Variants in USP47 observed in about 807,000 individuals in gnomAD.
USP47 encodes the protein ubiquitin carboxyl-terminal hydrolase 47.
Under a neutral mutation model 165.1 loss-of-function variants are expected in USP47, and 35 were observed. The ratio of observed to expected loss-of-function variants is 0.21; its 90% CI spans 0.16 to 0.28. USP47 has a LOEUF of 0.28. Ranked by LOEUF, USP47 falls within the 10% of genes least tolerant of loss-of-function variation. The pLI, the probability that USP47 is intolerant of heterozygous loss-of-function variation, is 1.00. For missense variants in USP47, 1,277 were observed against 1,607.4 expected, an observed-to-expected ratio of 0.79 and a Z score of 3.52; for synonymous variants, 531 against 544.5, an observed-to-expected ratio of 0.98 and a Z score of 0.35.
intron 8 of USP47, among the ~76,000 whole-genome samples, chr11:11,918,158 C>T (rs980574392): frequency 2.0e-5 from 3 of 152,116 alleles, no homozygotes; most frequent in African/African-American, 7.2e-5. Flanking sequence ...TAGAAGGGCA[C>T]ATCTTTGCTA....
intron 1 of USP47, among the ~76,000 whole-genome samples, chr11:11,853,991 CG>C: frequency 6.6e-6 from 1 of 151,628 alleles, no homozygotes; most frequent in East Asian, 1.9e-4. Flanking sequence ...AAAAATTAGC[CG>C]GGTGTGGTGG....
Position 11,905,386 on chromosome 11 carries a change from AT to A in USP47, c.820-9del. ...TTAAGGAACACTTAAAAATGTAAAT[AT>A]TTTATTTTTAGGCTGATCTTATAAA... is the stretch of plus-strand genomic sequence containing the variant. On this transcript the variant is annotated splice_polypyrimidine_tract_variant and intron_variant, in intron 7 of 27. Coordinates refer to ENST00000527733, the MANE Select transcript of USP47 (RefSeq NM_001282659.2). 2 of 1,558,368 alleles carry A rather than the reference AT, an allele frequency of 1.3e-6. No homozygotes were observed. Among genetic ancestry groups the A allele is most frequent in the East Asian group, 2.3e-5 (1 of 43,726 alleles).
chr11:11,902,770 C>T lies in USP47; in HGVS notation c.649C>T (p.Gln217Ter). Residue 217 changes from glutamine (Q) to a stop codon, truncating the protein, a stop_gained, in exon 6 of 28, where the codon CAA (glutamine) becomes TAA (stop). Coordinates refer to ENST00000527733, the MANE Select transcript of USP47 (RefSeq NM_001282659.2). LOFTEE classifies it high-confidence loss of function. The part of the protein sequence containing the change: ...DPVTSIPYQL[Q>*]RLFVLLQTSK... ...AGTGACAAGTATTCCATACCAACTT[C>T]AAAGGCTTTTTGTTTTGTTACAAAC... The T allele has an allele frequency of 6.2e-7, 1 of 1,600,866 alleles. No homozygotes were observed. Among genetic ancestry groups the T allele is most frequent in the Non-Finnish European group, 8.5e-7 (1 of 1,172,894 alleles).
At chr11:11,876,264 T>TTC (rs2134276947) in intron 1 of USP47, among the ~76,000 whole-genome samples, 1 of 8,686 alleles carries the variant, frequency 1.2e-4, no homozygotes, top group Non-Finnish European at 1.7e-4. Context: ...CAGAGAACTC[T>TTC]TGACTAAAAA....
chr11:11,854,808 C>T (rs1217337077), intron 1 of USP47, among the ~76,000 whole-genome samples: 2 of 147,010 alleles, frequency 1.4e-5, no homozygotes, highest in African/African-American at 2.4e-5. Flanking sequence ...AATTGGAACA[C>T]ATAGGCCGGG....
chr11:11,954,477 G>A (rs775467853), intron 25 of USP47, among the ~76,000 whole-genome samples: 14 of 152,038 alleles, frequency 9.2e-5, no homozygotes, highest in Non-Finnish European at 1.2e-4. Context: ...CACCATGTGC[G>A]AGGATATTCA....
intron 1 of USP47, among the ~76,000 whole-genome samples, chr11:11,859,412 A>C (rs1262329411): frequency 6.6e-6 from 1 of 152,172 alleles, no homozygotes. Context: ...ACTTTACCTT[A>C]GTTGCTTAAC....
In USP47 at chr11:11,889,079, C is replaced by G. The variant is rs188259207; in HGVS notation, c.358-2889C>G. On this transcript the variant is annotated intron_variant, in intron 3 of 27. Coordinates refer to ENST00000527733, the MANE Select transcript of USP47 (RefSeq NM_001282659.2). Reference sequence around the variant, plus strand: ...AATAGCAAGAATCATATATGACAGGCCCACAGCCAATATCAACCTGAATGG... The same window carrying G: ...AATAGCAAGAATCATATATGACAGGGCCACAGCCAATATCAACCTGAATGG... Among the ~76,000 whole-genome samples the G allele has an allele frequency of 2.7e-3, 405 of 152,170 alleles. 1 individual carries two copies. The highest frequency in any genetic ancestry group is 9.1e-3 in the African/African-American group (378 of 41,524).
intron 16 of USP47, among the ~76,000 whole-genome samples, chr11:11,934,463 A>T (rs1215960071): frequency 6.6e-6 from 1 of 152,174 alleles, no homozygotes; most frequent in Non-Finnish European, 1.5e-5. Flanking sequence ...AAAGGGAGAC[A>T]GCGATGCAAA....
chr11:11,947,332 A>T (rs554487465), intron 20 of USP47, among the ~76,000 whole-genome samples: 63 of 152,354 alleles, frequency 4.1e-4, no homozygotes, highest in African/African-American at 1.4e-3. Context: ...GTTCCTGTTA[A>T]TTACAGCCCA....
chr11:11,870,049 TTTTG>T (rs1455585345), intron 1 of USP47, among the ~76,000 whole-genome samples: 1 of 149,562 alleles, frequency 6.7e-6, no homozygotes, highest in Non-Finnish European at 1.5e-5. Context: ...AAGTGTGACA[TTTTG>T]TTTTTTTGTT....
chr11:11,864,547 T>TA (rs1849566922), intron 1 of USP47, among the ~76,000 whole-genome samples: 1 of 151,626 alleles, frequency 6.6e-6, no homozygotes, highest in South Asian at 2.1e-4. Flanking sequence ...TCTCTGCCCC[T>TA]AACCTCTGGC....
chr11:11,873,947 C>A, intron 1 of USP47: 1 of 723,586 alleles, frequency 1.4e-6, no homozygotes, highest in Non-Finnish European at 2.0e-6. Flanking sequence ...CAAGGCATGT[C>A]TTAAGTTTTA....
chr11:11,938,378 T>C lies in USP47; in HGVS notation c.2193+6T>C. On this transcript the variant is annotated splice_donor_region_variant and intron_variant, in intron 18 of 27. Coordinates refer to ENST00000527733, the MANE Select transcript of USP47 (RefSeq NM_001282659.2). ...TCAAACAACTGATTTCAAAGGTAAG[T>C]TTTAAAAGGGGTCTGTAAATAAATT... is the stretch of plus-strand genomic sequence containing the variant. The C allele has an allele frequency of 2.5e-6, 4 of 1,609,074 alleles. No homozygotes were observed. Among genetic ancestry groups the C allele is most frequent in the Non-Finnish European group, 3.4e-6 (4 of 1,176,648 alleles).
chr11:11,948,927 C>T (rs1040697269), intron 22 of USP47: 8 of 189,098 alleles, frequency 4.2e-5, no homozygotes, highest in African/African-American at 1.2e-4. Flanking sequence ...TTTTTTTGTG[C>T]GTGTGCTTGC....
At chr11:11,904,057 T>C (rs1852392134) in intron 7 of USP47, among the ~76,000 whole-genome samples, 1 of 152,152 alleles carries the variant, frequency 6.6e-6, no homozygotes, top group South Asian at 2.1e-4. Context: ...AATCAGTTTA[T>C]TGGGCCTACA....
intron 6 of USP47, 93 bp from the exon 7 acceptor site, chr11:11,903,170 C>A: frequency 7.9e-7 from 1 of 1,264,602 alleles, no homozygotes; most frequent in Non-Finnish European, 1.1e-6. Context: ...TTAAGGTAGA[C>A]TTCAATATTT....
At chr11:11,936,892 G>A (rs1855112306) in intron 17 of USP47, among the ~76,000 whole-genome samples, 1 of 151,814 alleles carries the variant, frequency 6.6e-6, no homozygotes, top group Non-Finnish European at 1.5e-5. Context: ...GTCCAAAAAA[G>A]TATATTCCCA....
intron 11 of USP47, 34 bp downstream of exon 11, chr11:11,922,925 G>A: frequency 6.3e-7 from 1 of 1,590,812 alleles, no homozygotes; most frequent in Non-Finnish European, 8.6e-7. Flanking sequence ...TTAGTTGAAA[G>A]TGAGAATAAT....
Sources: allele counts gnomAD v4.1 joint callset (sites outside exome capture counted in the v4.1 genomes callset), GRCh38; gene constraint gnomAD v4.1.1; transcripts MANE v1.5; gene names NCBI Gene and HGNC (gene_info 2026-07-23, HGNC 2026-07-21).